Variants in PRRC2B observed in about 807,000 individuals in gnomAD.
PRRC2B encodes protein PRRC2B.
In PRRC2B, 68 loss-of-function variants were observed where a neutral mutation model predicts 242.3. That is an observed-to-expected ratio of 0.28 (90% CI 0.23 to 0.34). PRRC2B has a LOEUF of 0.34. Ranked by LOEUF, PRRC2B falls within the 10% of genes least tolerant of loss-of-function variation. PRRC2B has a pLI of 1.00. For synonymous variants in PRRC2B, 1,228 were observed against 1,173.6 expected, an observed-to-expected ratio of 1.05 and a Z score of -0.95; for missense variants, 2,835 against 2,954.8, an observed-to-expected ratio of 0.96 and a Z score of 0.94.
In PRRC2B at chr9:131,499,129, A is replaced by G. The variant is rs1017333578; in HGVS notation, c.*3255A>G. ...AGCTGTGGTCCTTCCAGCCACTTCT[A>G]GGGACACTGGGGAACCTTGTTAAAC... On this transcript the variant is annotated 3_prime_UTR_variant, in exon 32 of 32. Coordinates refer to ENST00000683519, the MANE Select transcript of PRRC2B (RefSeq NM_013318.4). 1.3e-5 allele frequency: 2 copies of G among 152,250 alleles called. No individual in the cohort carries two copies. The highest frequency in any genetic ancestry group is 1.5e-5 in the Non-Finnish European group (1 of 68,038). The allele number at this position is 152,250 out of a possible 1,614,324, so 9.4% of individuals were successfully genotyped here.
chr9:131,458,669 A>G (rs141091455), intron 10 of PRRC2B, among the ~76,000 whole-genome samples: 6 of 151,980 alleles, frequency 3.9e-5, no homozygotes, highest in Non-Finnish European at 7.4e-5. Context: ...CACCTGGCTA[A>G]TTTTTGTATT....
At chr9:131,471,901 T>C (rs1018574394) in intron 14 of PRRC2B, among the ~76,000 whole-genome samples, 6 of 152,274 alleles carry the variant, frequency 3.9e-5, no homozygotes, top group Non-Finnish European at 7.3e-5. Flanking sequence ...TTGCAAGTTT[T>C]TATCCCTTTG....
At chr9:131,381,441 C>T (rs1169692584) in intron 1 of PRRC2B, among the ~76,000 whole-genome samples, 3 of 126,450 alleles carry the variant, frequency 2.4e-5, no homozygotes, top group Non-Finnish European at 4.8e-5. Context: ...TTTTTTGAGA[C>T]GGAGTCTTGC....
intron 2 of PRRC2B, among the ~76,000 whole-genome samples, chr9:131,430,581 GTGTGTGTGTGTGTGTATA>G (rs1379309497): frequency 4.8e-4 from 65 of 135,302 alleles, no homozygotes; most frequent in African/African-American, 1.6e-3. Flanking sequence ...GTGTGTGTGT[GTGTGTGTGTGTGTGTATA>G]TATATGTTTT....
In PRRC2B at chr9:131,475,483, A is replaced by G. The variant is rs566083158; in HGVS notation, c.3354A>G (p.Pro1118=). ...RGRGLREFAR[P]EDCPRAKPRR... ...GGGGCCTGCGAGAGTTTGCGCGGCCAGAGGACTGCCCCAGAGCCAAGCCCC... is the reference window on the plus strand; with the variant it reads ...GGGGCCTGCGAGAGTTTGCGCGGCCGGAGGACTGCCCCAGAGCCAAGCCCC... Residue 1118 remains proline (P), a synonymous_variant, in exon 16 of 32, where the codon CCA becomes CCG. Coordinates refer to ENST00000683519, the MANE Select transcript of PRRC2B (RefSeq NM_013318.4). 1.4e-5 allele frequency: 23 copies of G among 1,596,572 alleles called. 1 individual carries two copies. The highest frequency in any genetic ancestry group is 2.0e-5 in the Non-Finnish European group (23 of 1,171,256).
rs564734913 is a variant in PRRC2B, at chr9:131,473,512, G to C, written c.2112G>C (p.Leu704=). The change falls in exon 15 of 32, where the codon CTG becomes CTC. Residue 704 remains leucine, a synonymous_variant. Coordinates refer to ENST00000683519, the MANE Select transcript of PRRC2B (RefSeq NM_013318.4). ...ATCAGTCTTTGCCTTCTTCAGGACT[G>C]ATGAAGCCCATGATGCCCCAGGAGT... ...FYPSALHPSG[L]MKPMMPQESL... is the part of the protein sequence containing the mutation. 3.8e-6 allele frequency: 6 copies of C among 1,597,066 alleles called. No homozygotes were observed. The highest frequency in any genetic ancestry group is 2.3e-5 in the East Asian group (1 of 43,942).
Position 131,455,176 on chromosome 9 carries a change from C to G in PRRC2B, c.1211+10C>G, listed in dbSNP as rs770320601. 6.3e-7 allele frequency: 1 copy of G among 1,595,792 alleles called. No individual in the cohort carries two copies. Among genetic ancestry groups the G allele is most frequent in the East Asian group, 2.2e-5 (1 of 44,728 alleles). On this transcript the variant is annotated intron_variant, in intron 10 of 31. Transcript: ENST00000683519. The stretch of plus-strand genomic sequence containing the variant: ...ACGGCAGGCCAAAGTGGTAAGGACC[C>G]GTTCCTGCCCTATCAGCATGAGTGC...
At chr9:131,376,106 T>G (rs896140523) in intron 1 of PRRC2B, among the ~76,000 whole-genome samples, 9 of 149,598 alleles carry the variant, frequency 6.0e-5, no homozygotes, top group Admixed American at 5.3e-4. Context: ...CCCAGCACTT[T>G]GGAAGGCTGA....
chr9:131,485,292 T>C (rs142409034), intron 25 of PRRC2B, among the ~76,000 whole-genome samples, 152 bp downstream of exon 25: 26 of 152,352 alleles, frequency 1.7e-4, no homozygotes, highest in Non-Finnish European at 3.2e-4. Context: ...GTAGCTCCCA[T>C]GTGCTGCAGG....
chr9:131,377,739 TC>T (rs1212377421), intron 1 of PRRC2B, among the ~76,000 whole-genome samples: 1 of 152,160 alleles, frequency 6.6e-6, no homozygotes, highest in Non-Finnish European at 1.5e-5. Flanking sequence ...CTTTCTCCTC[TC>T]CTCTCTGTTT....
intron 23 of PRRC2B, among the ~76,000 whole-genome samples, chr9:131,483,681 C>T (rs1042516695): frequency 3.9e-5 from 6 of 152,214 alleles, no homozygotes; most frequent in Non-Finnish European, 7.3e-5. Flanking sequence ...TCCATTGTCT[C>T]CTCTGTGCCA....
chr9:131,488,232 G>C (rs760124775), intron 28 of PRRC2B, 136 bp downstream of exon 28: 104 of 1,250,550 alleles, frequency 8.3e-5, no homozygotes, highest in Non-Finnish European at 1.1e-4. Flanking sequence ...ATTCCTCAGC[G>C]TGCAGGAAAT....
At chr9:131,459,885 A>T (rs1455804017) in intron 11 of PRRC2B, among the ~76,000 whole-genome samples, 2 of 150,178 alleles carry the variant, frequency 1.3e-5, no homozygotes, top group Non-Finnish European at 2.9e-5. Context: ...ATGGTGGCTC[A>T]CACAGTTTGC....
intron 10 of PRRC2B, 42 bp downstream of exon 10, chr9:131,455,208 G>A (rs1454264160): frequency 2.2e-6 from 3 of 1,376,140 alleles, no homozygotes; most frequent in African/African-American, 1.4e-5. Flanking sequence ...GTGCATCCCT[G>A]CTTAGTGTTG....
At chr9:131,432,908 A>T (rs1191523826) in intron 3 of PRRC2B, 114 bp downstream of exon 3, 16 of 1,044,896 alleles carry the variant, frequency 1.5e-5, no homozygotes, top group Non-Finnish European at 1.9e-5. Flanking sequence ...CTAGTCTTGC[A>T]GTGGCAGAAT....
chr9:131,473,412 G>A, intron 14 of PRRC2B, 96 bp from the exon 15 acceptor site: 1 of 819,064 alleles, frequency 1.2e-6, no homozygotes, highest in Non-Finnish European at 1.9e-6. Context: ...ATGAAAGTCA[G>A]GGTAACTGTT....
chr9:131,413,177 C>G (rs2131299349), intron 1 of PRRC2B, among the ~76,000 whole-genome samples: 1 of 152,296 alleles, frequency 6.6e-6, no homozygotes, highest in Non-Finnish European at 1.5e-5. Flanking sequence ...ATAGCCTGTT[C>G]CTTTTTCTTA....
intron 19 of PRRC2B, among the ~76,000 whole-genome samples, chr9:131,481,019 A>C (rs1368043777): frequency 1.3e-5 from 2 of 151,884 alleles, no homozygotes; most frequent in Non-Finnish European, 2.9e-5. Context: ...AAAAAAAAGA[A>C]GGCCAGGCCT....
rs1429226636 is a variant in PRRC2B at position 131,423,062 on chromosome 9, T to G, written c.-51-7032T>G. ...CTTCTTTCCAGCAGGCATCATTGGG[T>G]TGTGTCTGCTTCATATGTCATACTG... On this transcript the variant is annotated intron_variant, in intron 1 of 31. Coordinates refer to ENST00000683519, the MANE Select transcript of PRRC2B (RefSeq NM_013318.4). Among the ~76,000 whole-genome samples, 6 of 152,080 alleles carry G rather than the reference T, an allele frequency of 3.9e-5. No homozygotes were observed. The East Asian group carries it at 9.6e-4, about 24-fold the overall frequency.
Sources: allele counts gnomAD v4.1 joint callset (sites outside exome capture counted in the v4.1 genomes callset), GRCh38; gene constraint gnomAD v4.1.1; transcripts MANE v1.5; gene names NCBI Gene and HGNC (gene_info 2026-07-23, HGNC 2026-07-21).